The following SBNO2 variants were observed in gnomAD, a reference collection of about 807,000 sequenced individuals.
SBNO2 encodes the protein protein strawberry notch homolog 2.
A neutral mutation model predicts 146.3 loss-of-function variants in SBNO2; 89 were observed. That is an observed-to-expected ratio of 0.61 (90% confidence interval 0.51 to 0.73). The LOEUF (loss-of-function observed/expected upper bound fraction) is 0.73, where lower values mean the gene tolerates loss of function less well. SBNO2 is among the 30% of genes least tolerant of loss of function. The probability of loss-of-function intolerance (pLI) is 0.00; values close to 1 mark genes in which losing one functional copy is unlikely to be tolerated. For synonymous variants in SBNO2, 1,147 were observed against 892.6 expected (o/e 1.29, Z -5.08); for missense variants, 2,092 against 2,003.7 (o/e 1.04, Z -0.84).
At chr19:1,124,137 T>A (rs1337003698) in intron 5 of SBNO2, 115 bp from the exon 6 acceptor site, 4 of 939,032 alleles carry the variant, frequency 4.3e-6, no homozygotes, top group Non-Finnish European at 6.7e-6. Context: ...CGCCTCCCCA[T>A]CCTCGCTCCC....
intron 4 of SBNO2, among the ~76,000 whole-genome samples, chr19:1,145,009 G>GGAGACA (rs1045412097): frequency 7.0e-6 from 1 of 143,550 alleles, no homozygotes; most frequent in Non-Finnish European, 1.5e-5. Flanking sequence ...GAGCATAGAG[G>GGAGACA]GAGACAGAGA....
chr19:1,134,065 A>G (rs201357455), intron 4 of SBNO2, among the ~76,000 whole-genome samples: 7 of 150,166 alleles, frequency 4.7e-5, no homozygotes, highest in Middle Eastern at 3.4e-3. Flanking sequence ...CAGGACCCAT[A>G]GCTCATGGGT....
At chr19:1,130,243 C>T (rs1011990836) in intron 4 of SBNO2, among the ~76,000 whole-genome samples, 1 of 152,206 alleles carries the variant, frequency 6.6e-6, no homozygotes, top group Non-Finnish European at 1.5e-5. Context: ...GTGACAGCCA[C>T]AGACGGGAGA....
At chr19:1,162,930 C>T (rs576933307) in intron 1 of SBNO2, among the ~76,000 whole-genome samples, 1 of 152,174 alleles carries the variant, frequency 6.6e-6, no homozygotes, top group Non-Finnish European at 1.5e-5. Context: ...TGCAGGGCCA[C>T]CAATGTGGAC....
intron 5 of SBNO2, among the ~76,000 whole-genome samples, chr19:1,127,353 A>G (rs1190611338): frequency 6.6e-6 from 1 of 152,028 alleles, no homozygotes; most frequent in Non-Finnish European, 1.5e-5. Context: ...GCCCCCCCCA[A>G]CTCCATGCCA....
At chr19:1,152,721 G>T (rs1172323432) in intron 2 of SBNO2, among the ~76,000 whole-genome samples, 1 of 152,162 alleles carries the variant, frequency 6.6e-6, no homozygotes, top group Non-Finnish European at 1.5e-5. Flanking sequence ...TCTGAGGATG[G>T]ACTGCCGAGG....
rs192327611 is a variant in SBNO2, at chr19:1,172,033, C to T, written c.-127+2139G>A. ...CTTCTGTGCTCTGACAGGCTCCCTC[C>T]CCCTGAAGTCCAGCCCCTGCCTGCA... On this transcript the variant is annotated intron_variant, in intron 1 of 31. Transcript: ENST00000361757. Among the ~76,000 whole-genome samples the T allele has an allele frequency of 2.2e-3, 339 of 152,294 alleles. 1 individual carries two copies. Among genetic ancestry groups the T allele is most frequent in the African/African-American group, 7.9e-3 (327 of 41,562 alleles).
chr19:1,141,929 CAA>C (rs1208007630), intron 4 of SBNO2, among the ~76,000 whole-genome samples: 8 of 152,066 alleles, frequency 5.3e-5, no homozygotes, highest in Non-Finnish European at 8.8e-5. Context: ...AGTCCTGACT[CAA>C]ACATGACCTC....
Position 1,112,019 on chromosome 19 carries a change from T to G in SBNO2, c.2677A>C (p.Ser893Arg). ...DRRATESRDLSKYNFENKYGT... is the reference protein window; with the variant it reads ...DRRATESRDLRKYNFENKYGT... ...ACCTTGTTCTCAAAGTTGTACTTGC[T>G]GAGGTCACGGGACTCCGTGGCGCGG... Residue 893 changes from serine to arginine, a missense_variant, in exon 23 of 32, where the codon AGC (serine) becomes CGC (arginine). Coordinates refer to ENST00000361757, the MANE Select transcript of SBNO2 (RefSeq NM_014963.3). This position sits in a 1 kb window ranked among gnomAD's most constrained non-coding sequence, Gnocchi z 5.9. 6.2e-7 allele frequency: 1 copy of G among 1,611,810 alleles called. No individual in the cohort carries two copies. Among genetic ancestry groups the G allele is most frequent in the Non-Finnish European group, 8.5e-7 (1 of 1,179,576 alleles).
intron 14 of SBNO2, 134 bp downstream of exon 14, chr19:1,118,877 C>CAAA (rs199989931): frequency 5.5e-5 from 51 of 925,214 alleles, no homozygotes; most frequent in Non-Finnish European, 7.2e-5. Flanking sequence ...CTCAAAAAAA[C>CAAA]AACAAAAAAA....
chr19:1,173,135 G>C lies in SBNO2; in HGVS notation c.-127+1037C>G, dbSNP rs2080497819. Among the ~76,000 whole-genome samples the C allele has an allele frequency of 6.6e-6, 1 of 152,136 alleles. No homozygotes were observed. The highest frequency in any genetic ancestry group is 2.4e-5 in the African/African-American group (1 of 41,430). ...CACAACGCCTGCCCCCCACGCCCCAGGTCAGTCTGGGGATTGGTCCCTCCA... is the reference window on the plus strand; with the variant it reads ...CACAACGCCTGCCCCCCACGCCCCACGTCAGTCTGGGGATTGGTCCCTCCA... On this transcript the variant is annotated intron_variant, in intron 1 of 31. Coordinates refer to ENST00000361757, the MANE Select transcript of SBNO2 (RefSeq NM_014963.3). The surrounding 1 kb of genome is among the most constrained non-coding windows in gnomAD (Gnocchi z 4.7).
chr19:1,153,200 AAT>A (rs1007049429), intron 2 of SBNO2, among the ~76,000 whole-genome samples: 1 of 151,232 alleles, frequency 6.6e-6, no homozygotes, highest in African/African-American at 2.4e-5. Flanking sequence ...AATAAAAATA[AAT>A]ATATATATAC....
chr19:1,159,164 GC>G (rs1367599812), intron 1 of SBNO2, among the ~76,000 whole-genome samples: 4 of 150,232 alleles, frequency 2.7e-5, no homozygotes, highest in Admixed American at 2.6e-4. Flanking sequence ...TACCTGGCGG[GC>G]GCACAACTCG....
At position 1,158,618 on chromosome 19, in the gene SBNO2, G is replaced by A. The variant is rs1036413041; in HGVS notation, c.-126-4216C>T. Among the ~76,000 whole-genome samples the A allele has an allele frequency of 2.0e-5, 3 of 152,204 alleles. No homozygotes were observed. Among genetic ancestry groups the A allele is most frequent in the Non-Finnish European group, 4.4e-5 (3 of 68,012 alleles). On this transcript the variant is annotated intron_variant, in intron 1 of 31. Coordinates refer to ENST00000361757, the MANE Select transcript of SBNO2 (RefSeq NM_014963.3). The surrounding 1 kb of genome is among the most constrained non-coding windows in gnomAD (Gnocchi z 9.9). ...GCAAAGGCGGACATGGAGGTCTGAG[G>A]AGGAGGCGGCGAGGCCCGGGCGAGC...
chr19:1,122,106 G>A, intron 11 of SBNO2, 33 bp downstream of exon 11: 1 of 1,090,674 alleles, frequency 9.2e-7, no homozygotes, highest in Non-Finnish European at 1.1e-6. Context: ...CCCTAATCCA[G>A]CCCTCCCCTC....
intron 5 of SBNO2, among the ~76,000 whole-genome samples, chr19:1,124,677 C>A (rs2079944874): frequency 6.6e-6 from 1 of 152,198 alleles, no homozygotes; most frequent in African/African-American, 2.4e-5. Flanking sequence ...CTGTAGTGAC[C>A]AGAGAACACA....
At chr19:1,113,757 C>A in intron 18 of SBNO2, 53 bp from the exon 19 acceptor site, 2 of 1,413,410 alleles carry the variant, frequency 1.4e-6, no homozygotes, top group South Asian at 1.6e-5. Flanking sequence ...CTTCTAGGGC[C>A]CACCTAACTC....
In SBNO2 at chr19:1,112,281, G is replaced by A. The variant is rs1231693834; in HGVS notation, c.2536C>T (p.Gln846Ter). 1 of 1,587,540 alleles carries A rather than the reference G, an allele frequency of 6.3e-7. No individual in the cohort carries two copies. Among genetic ancestry groups the A allele is most frequent in the Non-Finnish European group, 8.6e-7 (1 of 1,167,780 alleles). Residue 846 changes from glutamine (Q) to a stop codon, truncating the protein, a stop_gained, in exon 22 of 32, where the codon CAG (glutamine) becomes TAG (stop). Coordinates refer to ENST00000361757, the MANE Select transcript of SBNO2 (RefSeq NM_014963.3). LOFTEE classifies it high-confidence loss of function. The surrounding 1 kb of genome is among the most constrained non-coding windows in gnomAD (Gnocchi z 5.9). ...QQFGRTHRSN[Q>*]VSAPEYVFLI... ...AAGACATACTCTGGCGCGGAGACCT[G>A]GTTGGACCGGTGGGTGCGGCCTGGG...
At chr19:1,123,889 C>T (rs2079934500) in intron 6 of SBNO2, 53 bp downstream of exon 6, 1 of 1,547,670 alleles carries the variant, frequency 6.5e-7, no homozygotes, top group Non-Finnish European at 8.8e-7. Flanking sequence ...GAGCCCTCTC[C>T]TTAGGTCCCA....
Sources: gnomAD v4.1 joint callset for allele counts (sites outside exome capture counted in the v4.1 genomes callset) on GRCh38, gnomAD v4.1.1 for gene constraint, Gnocchi (gnomAD v3.1) non-coding constraint, MANE v1.5 for transcripts, NCBI Gene and HGNC (gene_info 2026-07-23, HGNC 2026-07-21) for gene names.